The following ZNF131 variants were observed in gnomAD, a reference collection of about 807,000 sequenced individuals.
ZNF131 encodes zinc finger and BTB domain containing 35, also known as zinc finger protein 131.
A neutral mutation model predicts 60.0 loss-of-function variants in ZNF131; 7 were observed. The observed-to-expected ratio is 0.12, with a 90% CI of 0.07 to 0.22. The LOEUF is 0.22. Among genes scored for constraint, ZNF131 ranks in the 10% least tolerant of loss-of-function variants. The probability of loss-of-function intolerance (pLI) is 1.00; values close to 1 mark genes in which losing one functional copy is unlikely to be tolerated. For missense variants in ZNF131, 493 were observed against 740.9 expected, an observed-to-expected ratio of 0.67 and a Z score of 3.88; for synonymous variants, 257 against 253.2, an observed-to-expected ratio of 1.01 and a Z score of -0.14.
chr5:43,160,606 G>C (rs539690821), intron 4 of ZNF131, among the ~76,000 whole-genome samples: 73 of 151,672 alleles, frequency 4.8e-4, no homozygotes, highest in African/African-American at 1.7e-3. Context: ...TATGATATGA[G>C]GTAAAGGTTG....
intron 4 of ZNF131, among the ~76,000 whole-genome samples, chr5:43,148,957 T>C (rs775732145): frequency 6.6e-6 from 1 of 152,214 alleles, no homozygotes; most frequent in Non-Finnish European, 1.5e-5. Flanking sequence ...TGGTAGTGCT[T>C]GTGTAATTTC....
At chr5:43,166,449 C>T (rs1750361292) in intron 5 of ZNF131, among the ~76,000 whole-genome samples, 1 of 151,786 alleles carries the variant, frequency 6.6e-6, no homozygotes, top group Non-Finnish European at 1.5e-5. Flanking sequence ...CAAGCTCTGC[C>T]TCCTGGGTTC....
chr5:43,144,237 C>CTTTTTTTTTTTTTTTTTT (rs935655531), intron 4 of ZNF131, among the ~76,000 whole-genome samples: 2 of 65,318 alleles, frequency 3.1e-5, no homozygotes, highest in African/African-American at 1.2e-4. Flanking sequence ...TTCTTTCTTT[C>CTTTTTTTTTTTTTTTTTT]TTTTTTTTTT....
chr5:43,130,867 T>TCCAAGC, intron 3 of ZNF131, among the ~76,000 whole-genome samples: 1 of 137,008 alleles, frequency 7.3e-6, no homozygotes, highest in Non-Finnish European at 1.6e-5. Flanking sequence ...CGCCCGGCTC[T>TCCAAGC]TTTGTTTGTT....
At chr5:43,143,145 C>A (rs976276287) in intron 4 of ZNF131, among the ~76,000 whole-genome samples, 3 of 151,524 alleles carry the variant, frequency 2.0e-5, no homozygotes, top group Admixed American at 2.0e-4. Context: ...GCCTCAATCT[C>A]CCGAGTAGCT....
chr5:43,171,846 C>T (rs559560462), intron 5 of ZNF131, among the ~76,000 whole-genome samples: 11 of 152,132 alleles, frequency 7.2e-5, no homozygotes, highest in Non-Finnish European at 5.9e-5. Context: ...TCTTGAACTC[C>T]TGACCTCAAG....
chr5:43,121,957 T>C (rs1435795837), intron 1 of ZNF131, 82 bp from the exon 2 acceptor site: 11 of 1,432,732 alleles, frequency 7.7e-6, no homozygotes, highest in Admixed American at 2.5e-5. Flanking sequence ...TGCTGGTTTT[T>C]TTTGTTGTTG....
intron 3 of ZNF131, among the ~76,000 whole-genome samples, chr5:43,126,795 C>A (rs1164422591): frequency 6.6e-6 from 1 of 152,160 alleles, no homozygotes; most frequent in Non-Finnish European, 1.5e-5. Context: ...TGTGCAGACT[C>A]AGGATTGGGG....
At chr5:43,150,832 A>C (rs76841011) in intron 4 of ZNF131, among the ~76,000 whole-genome samples, 1 of 152,286 alleles carries the variant, frequency 6.6e-6, no homozygotes, top group East Asian at 1.9e-4. Context: ...TTTTTCTCCT[A>C]CTGGATTTAT....
chr5:43,143,457 C>G (rs763069610), intron 4 of ZNF131: 17 of 1,368,472 alleles, frequency 1.2e-5, no homozygotes, highest in Non-Finnish European at 1.6e-5. Context: ...TCTTCAACTA[C>G]ACGCTGTATT....
chr5:43,155,630 T>C (rs1268653091), intron 4 of ZNF131, among the ~76,000 whole-genome samples: 2 of 152,190 alleles, frequency 1.3e-5, no homozygotes, highest in East Asian at 1.9e-4. Flanking sequence ...GTTGCTGTTT[T>C]GCTTGCAGGT....
intron 4 of ZNF131, among the ~76,000 whole-genome samples, chr5:43,140,541 G>T (rs1039846091): frequency 1.3e-5 from 2 of 152,190 alleles, no homozygotes; most frequent in African/African-American, 4.8e-5. Context: ...CTCTAAGTAT[G>T]AACTATTATC....
rs1414503335 is a variant in ZNF131 at position 43,175,473 on chromosome 5, A to G, written c.*340A>G. ...TTTCCCAGGTCATGTTCTTCCTCAA[A>G]TTTTTTCCATATTGTAAAATCAAAC... On this transcript the variant is annotated 3_prime_UTR_variant, in exon 7 of 7. Transcript: ENST00000682664. 6 of 699,096 alleles carry G rather than the reference A, an allele frequency of 8.6e-6. No homozygotes were observed. In the Admixed American group the frequency reaches 1.0e-4, roughly 12 times the overall value. The allele number at this position is 699,096 out of a possible 1,614,324, so 43.3% of individuals were successfully genotyped here.
chr5:43,143,319 C>T, intron 4 of ZNF131: 2 of 1,231,272 alleles, frequency 1.6e-6, no homozygotes, highest in South Asian at 5.6e-5. Flanking sequence ...CTGCGCCCGG[C>T]CTCAAGCTTT....
chr5:43,163,510 C>G (rs1331043020), intron 5 of ZNF131, among the ~76,000 whole-genome samples: 2 of 152,208 alleles, frequency 1.3e-5, no homozygotes, highest in Non-Finnish European at 2.9e-5. Flanking sequence ...TTCTTCATCC[C>G]CTATTCCAGT....
chr5:43,170,418 C>T (rs1158840944), intron 5 of ZNF131, among the ~76,000 whole-genome samples: 1 of 152,178 alleles, frequency 6.6e-6, no homozygotes, highest in Non-Finnish European at 1.5e-5. Context: ...ATCCTGGAAT[C>T]ATTCAGTTAT....
At chr5:43,157,596 C>T (rs571184068) in intron 4 of ZNF131, among the ~76,000 whole-genome samples, 1 of 152,326 alleles carries the variant, frequency 6.6e-6, no homozygotes, top group South Asian at 2.1e-4. Context: ...CTTCCTGCAA[C>T]CACCTTCCAA....
At chr5:43,145,921 G>T (rs986881080) in intron 4 of ZNF131, among the ~76,000 whole-genome samples, 11 of 152,320 alleles carry the variant, frequency 7.2e-5, no homozygotes, top group African/African-American at 2.6e-4. Flanking sequence ...ATTATACCAT[G>T]AGTTGATCCT....
rs560517057 is a variant in ZNF131, at chr5:43,160,948, T to TGC, written c.372-299_372-298dup. ...CACCTGCCTTGGCCTCCCAAAGTGT[T>TGC]GCGATTACAGGCATGAGCCACTGCA... On this transcript the variant is annotated intron_variant, in intron 4 of 6. Coordinates refer to ENST00000682664, the MANE Select transcript of ZNF131 (RefSeq NM_001330707.2). Among the ~76,000 whole-genome samples, 469 of 152,268 alleles carry TGC rather than the reference T, an allele frequency of 3.1e-3. 3 individuals are homozygous for TGC. The highest frequency in any genetic ancestry group is 0.011 in the African/African-American group (444 of 41,540).
Sources: gnomAD v4.1 joint callset for allele counts (sites outside exome capture counted in the v4.1 genomes callset) on GRCh38, gnomAD v4.1.1 for gene constraint, MANE v1.5 for transcripts, NCBI Gene and HGNC (gene_info 2026-07-23, HGNC 2026-07-21) for gene names.